NAV3: variants seen among roughly 807,000 people sequenced by gnomAD.
NAV3 encodes pore membrane and/or filament interacting like protein 1.
NAV3 carries 87 observed loss-of-function variants against 244.7 expected under a neutral mutation model. That is an observed-to-expected ratio of 0.36 (90% CI 0.30 to 0.42). The LOEUF is 0.42. NAV3 is among the 20% of genes least tolerant of loss of function. The pLI is 1.00. For missense variants in NAV3, 2,663 were observed against 2,893.3 expected (o/e 0.92, Z 1.83); for synonymous variants, 1,126 against 1,042.2 (o/e 1.08, Z -1.55).
intron 22 of NAV3, among the ~76,000 whole-genome samples, chr12:78,154,221 G>A (rs1957189118): frequency 1.2e-5 from 1 of 83,996 alleles, no homozygotes; most frequent in South Asian, 3.1e-4. Flanking sequence ...ATACATATAT[G>A]CCTATATATG....
In NAV3 at chr12:78,127,208, G is replaced by T. The variant is rs1160453409; in HGVS notation, c.4280G>T (p.Arg1427Ile). The change falls in exon 17 of 40, where the codon AGA (arginine) becomes ATA (isoleucine). Residue 1427 changes from arginine (R) to isoleucine (I), a missense_variant and splice_region_variant. Coordinates refer to ENST00000397909, the MANE Select transcript of NAV3 (RefSeq NM_001024383.2). Reference sequence around the variant, plus strand: ...AATACACTACCCAAAAAGGGACTAAGGTATATATTCCTCTCAGCACAATTG... The same window carrying T: ...AATACACTACCCAAAAAGGGACTAATGTATATATTCCTCTCAGCACAATTG... ...DRNTLPKKGLRYTPSSRQANQ... is the reference protein window; with the variant it reads ...DRNTLPKKGLIYTPSSRQANQ... 1 of 1,613,138 alleles carries T rather than the reference G, an allele frequency of 6.2e-7. No individual in the cohort carries two copies.
chr12:78,177,197 A>ATCACAT lies in NAV3; in HGVS notation c.5184_5189dup (p.His1729_Ser1730dup). The ATCACAT allele has an allele frequency of 6.2e-7, 1 of 1,613,532 alleles. No homozygotes were observed. Among genetic ancestry groups the ATCACAT allele is most frequent in the Non-Finnish European group, 8.5e-7 (1 of 1,179,624 alleles). ...AGAAAAAGTCCACCAAGCCTCCTTC[A>ATCACAT]TCACATTCTGACATTGAAGAGCTTA... is the stretch of plus-strand genomic sequence containing the variant. On this transcript the variant is annotated inframe_insertion, in exon 27 of 40. Transcript: ENST00000397909.
chr12:77,688,721 G>GTATCTT (rs1874870079), intron 2 of NAV3, among the ~76,000 whole-genome samples: 1 of 151,886 alleles, frequency 6.6e-6, no homozygotes, highest in African/African-American at 2.4e-5. Flanking sequence ...TAGTGTAAAT[G>GTATCTT]AGAGTTAGAT....
intron 2 of NAV3, among the ~76,000 whole-genome samples, chr12:77,677,789 G>T (rs931626173): frequency 2.6e-5 from 4 of 152,086 alleles, no homozygotes; most frequent in Non-Finnish European, 5.9e-5. Context: ...ATTTTTTTAG[G>T]TCTAAACAAC....
At chr12:77,760,141 T>C (rs1434746737) in intron 2 of NAV3, among the ~76,000 whole-genome samples, 1 of 152,220 alleles carries the variant, frequency 6.6e-6, no homozygotes, top group Admixed American at 6.5e-5. Flanking sequence ...CAATATTAAA[T>C]CCAGATATGG....
intron 1 of NAV3, among the ~76,000 whole-genome samples, chr12:77,848,934 T>A (rs1281972544): frequency 6.6e-6 from 1 of 152,198 alleles, no homozygotes; most frequent in African/African-American, 2.4e-5. Context: ...GAAAGAGATA[T>A]GTGCTGTGTT....
rs906537364 is a variant in NAV3, at chr12:77,904,695, C to T, written c.244-35624C>T. 3.2e-4 allele frequency among the ~76,000 whole-genome samples: 49 copies of T among 151,846 alleles called. 1 individual carries two copies. Among genetic ancestry groups the T allele is most frequent in the Admixed American group, 2.9e-3 (44 of 15,238 alleles). On this transcript the variant is annotated intron_variant, in intron 1 of 39. Transcript: ENST00000397909. ...AAGATTATTCCAAAAGGTAGGTGGT[C>T]GTGAAAACCAAGCTAACAGGGAACA...
chr12:78,033,249 G>A (rs1370429544), intron 9 of NAV3, among the ~76,000 whole-genome samples: 2 of 146,580 alleles, frequency 1.4e-5, no homozygotes, highest in African/African-American at 5.2e-5. Context: ...TTTTTTTTTT[G>A]AATGTTTATA....
intron 1 of NAV3, among the ~76,000 whole-genome samples, chr12:77,862,799 A>G (rs1197735947): frequency 4.0e-5 from 6 of 151,860 alleles, no homozygotes; most frequent in African/African-American, 1.4e-4. Context: ...ATGTTTCCAT[A>G]TTAATCAGGC....
intron 2 of NAV3, among the ~76,000 whole-genome samples, chr12:77,798,893 T>G (rs1001569911): frequency 2.0e-5 from 3 of 152,240 alleles, no homozygotes; most frequent in Admixed American, 6.5e-5. Flanking sequence ...AAATACTGTG[T>G]TAGCTTTGCT....
At chr12:78,197,680 A>ATAT (rs1959197244) in intron 35 of NAV3, among the ~76,000 whole-genome samples, 1 of 151,808 alleles carries the variant, frequency 6.6e-6, no homozygotes, top group South Asian at 2.1e-4. Context: ...ACCCTCTTTA[A>ATAT]TATTATACCA....
intron 9 of NAV3, among the ~76,000 whole-genome samples, chr12:78,048,349 G>T (rs139762043): frequency 6.6e-6 from 1 of 152,274 alleles, no homozygotes; most frequent in East Asian, 1.9e-4. Flanking sequence ...CATCTTTGTG[G>T]ACTTACCTAC....
At chr12:77,798,936 G>A (rs1363346725) in intron 2 of NAV3, among the ~76,000 whole-genome samples, 1 of 152,160 alleles carries the variant, frequency 6.6e-6, no homozygotes, top group Non-Finnish European at 1.5e-5. Flanking sequence ...CATTTATTAG[G>A]AAATAGTTCT....
intron 2 of NAV3, among the ~76,000 whole-genome samples, chr12:77,817,550 T>A (rs186599224): frequency 6.6e-6 from 1 of 152,114 alleles, no homozygotes; most frequent in East Asian, 1.9e-4. Context: ...CTTTTTTTTT[T>A]AAACTGCAGA....
At chr12:78,140,175 T>G in intron 19 of NAV3, 107 bp from the exon 20 acceptor site, 2 of 885,322 alleles carry the variant, frequency 2.3e-6, no homozygotes, top group Non-Finnish European at 3.7e-6. Flanking sequence ...AGTTAGTTGT[T>G]ATTACTTAAT....
intron 20 of NAV3, among the ~76,000 whole-genome samples, chr12:78,142,474 A>G (rs946945716): frequency 6.6e-6 from 1 of 151,940 alleles, no homozygotes; most frequent in Non-Finnish European, 1.5e-5. Context: ...TAATTAATTT[A>G]CATTGAAATA....
intron 38 of NAV3, among the ~76,000 whole-genome samples, chr12:78,204,000 C>T (rs1309266096): frequency 6.6e-6 from 1 of 152,082 alleles, no homozygotes; most frequent in Non-Finnish European, 1.5e-5. Context: ...TCAGCTCTTA[C>T]TTATTGGGCA....
chr12:77,717,610 T>C (rs988431102), intron 2 of NAV3, among the ~76,000 whole-genome samples: 2 of 152,162 alleles, frequency 1.3e-5, no homozygotes, highest in African/African-American at 4.8e-5. Context: ...TTTGAATAAA[T>C]ATCCAGCAGT....
chr12:77,698,405 A>G (rs1875411734), intron 2 of NAV3, among the ~76,000 whole-genome samples: 1 of 152,166 alleles, frequency 6.6e-6, no homozygotes, highest in Non-Finnish European at 1.5e-5. Flanking sequence ...GATAGTGTCA[A>G]TGCAAATAGA....
Sources: allele counts gnomAD v4.1 joint callset (sites outside exome capture counted in the v4.1 genomes callset), GRCh38; gene constraint gnomAD v4.1.1; transcripts MANE v1.5; gene names NCBI Gene and HGNC (gene_info 2026-07-23, HGNC 2026-07-21).